FAAH2: variants seen among roughly 807,000 people sequenced by gnomAD.
The protein encoded by FAAH2 is fatty acid amide hydrolase 2.
FAAH2 carries 60 observed loss-of-function variants against 36.9 expected under a neutral mutation model. That is an observed-to-expected ratio of 1.63 (90% CI 1.32 to 2.02). The LOEUF (loss-of-function observed/expected upper bound fraction) is 2.02. Ranked by LOEUF, FAAH2 falls within the 30% of genes most tolerant of loss-of-function variation. The pLI is 0.00. For missense variants in FAAH2, 689 were observed against 397.5 expected (o/e 1.73, Z -6.23); for synonymous variants, 214 against 143.8 (o/e 1.49, Z -3.49).
intron 7 of FAAH2, among the ~76,000 whole-genome samples, chrX:57,382,855 C>T (rs1351857224): frequency 2.7e-5 from 3 of 111,447 alleles, no homozygotes; most frequent in South Asian, 3.8e-4. Flanking sequence ...ATACCAAAGC[C>T]TGGCAGAGAC....
rs771083505 is a variant in FAAH2, at chrX:57,378,642, T to A, written c.743-9T>A. 8.3e-7 allele frequency: 1 copy of A among 1,210,645 alleles called. No individual in the cohort carries two copies. The highest frequency in any genetic ancestry group is 1.8e-5 in the South Asian group (1 of 56,913). On this transcript the variant is annotated splice_polypyrimidine_tract_variant and intron_variant, in intron 5 of 10. Coordinates refer to ENST00000374900, the MANE Select transcript of FAAH2 (RefSeq NM_174912.4). Reference sequence around the variant, plus strand: ...TTTGGGCGGCTAACCTGACTGTCTATCCTTTCAGGTGTGGTTCCCAACAAA... The same window carrying A: ...TTTGGGCGGCTAACCTGACTGTCTAACCTTTCAGGTGTGGTTCCCAACAAA...
chrX:57,439,855 G>A lies in FAAH2; in HGVS notation c.1117-7073G>A, dbSNP rs181949931. Among the ~76,000 whole-genome samples the A allele has an allele frequency of 3.9e-3, 442 of 111,899 alleles. 2 individuals carry two copies. Among genetic ancestry groups the A allele is most frequent in the African/African-American group, 0.014 (425 of 30,802 alleles). ...TTTTCCCAGCACCATTTATTAAATA[G>A]GGAATCCTTTCCCCATTTCTTGTTT... On this transcript the variant is annotated intron_variant, in intron 8 of 10. Coordinates refer to ENST00000374900, the MANE Select transcript of FAAH2 (RefSeq NM_174912.4).
At chrX:57,195,503 A>G in the FAAH2 span, among the ~76,000 whole-genome samples, 6 of 111,580 alleles carry the variant, frequency 5.4e-5, no homozygotes, top group African/African-American at 1.6e-4. Flanking sequence ...GATTCTAGGT[A>G]TTAGTCCTTT....
chrX:57,225,185 G>C, the FAAH2 span, among the ~76,000 whole-genome samples: 1 of 110,471 alleles, frequency 9.1e-6, no homozygotes, highest in Non-Finnish European at 1.9e-5. Flanking sequence ...TGCTGGGTTT[G>C]GGTTTGGTTT....
At chrX:57,317,469 T>A (rs974031549) in intron 3 of FAAH2, among the ~76,000 whole-genome samples, 2 of 112,014 alleles carry the variant, frequency 1.8e-5, no homozygotes, top group African/African-American at 3.2e-5. Context: ...GAGTTAACTA[T>A]CCTAAATATA....
At chrX:57,209,426 C>T in the FAAH2 span, among the ~76,000 whole-genome samples, 6 of 111,577 alleles carry the variant, frequency 5.4e-5, no homozygotes, top group African/African-American at 2.0e-4. Flanking sequence ...TCCTTCCCTT[C>T]GTGGGTGTCA....
At chrX:57,191,987 TG>T in the FAAH2 span, among the ~76,000 whole-genome samples, 2 of 111,753 alleles carry the variant, frequency 1.8e-5, no homozygotes, top group African/African-American at 6.5e-5. Context: ...ATTCTAGGAT[TG>T]TTTTTTCTAT....
chrX:57,364,271 G>C (rs996105766), intron 5 of FAAH2, among the ~76,000 whole-genome samples: 5 of 108,768 alleles, frequency 4.6e-5, no homozygotes, highest in Admixed American at 2.0e-4. Flanking sequence ...TTTCTTTCTG[G>C]TTCAATCTTG....
At chrX:57,260,892 C>A in the FAAH2 span, among the ~76,000 whole-genome samples, 2 of 111,323 alleles carry the variant, frequency 1.8e-5, no homozygotes, top group African/African-American at 6.5e-5. Context: ...AAAATGACAA[C>A]CACAAGTGTT....
At chrX:57,458,582 A>G (rs2056902415) in intron 10 of FAAH2, among the ~76,000 whole-genome samples, 2 of 112,308 alleles carry the variant, frequency 1.8e-5, no homozygotes, top group African/African-American at 6.5e-5. Context: ...TGCAGTTCCC[A>G]GTGAGATCAA....
At chrX:57,453,887 G>A (rs922780765) in intron 10 of FAAH2, among the ~76,000 whole-genome samples, 3 of 112,112 alleles carry the variant, frequency 2.7e-5, no homozygotes, top group African/African-American at 6.5e-5. Context: ...CAGAGGATTG[G>A]GGTGTGCCTT....
chrX:57,223,677 C>T, the FAAH2 span, among the ~76,000 whole-genome samples: 10 of 111,840 alleles, frequency 8.9e-5, no homozygotes, highest in Non-Finnish European at 1.3e-4. Context: ...GGCCAATAAA[C>T]GGCTCCACTA....
chrX:57,317,058 C>G (rs1284152669), intron 3 of FAAH2, among the ~76,000 whole-genome samples: 2 of 111,371 alleles, frequency 1.8e-5, no homozygotes, highest in African/African-American at 6.5e-5. Flanking sequence ...AACAAATAAC[C>G]CATTAAAAAG....
the FAAH2 span, chrX:57,122,100 C>T: frequency 9.0e-6 from 1 of 111,146 alleles, no homozygotes; most frequent in South Asian, 3.7e-4. Context: ...ACAACGTGAA[C>T]ACTATCTACA....
At chrX:57,436,883 A>G (rs1449380194) in intron 8 of FAAH2, among the ~76,000 whole-genome samples, 1 of 111,298 alleles carries the variant, frequency 9.0e-6, no homozygotes, top group East Asian at 2.8e-4. Context: ...TCATTCCATG[A>G]CACCACTATC....
chrX:57,393,494 G>A (rs2055217136), intron 7 of FAAH2: 4 of 964,578 alleles, frequency 4.1e-6, no homozygotes, highest in Admixed American at 4.4e-5. Flanking sequence ...GATCCGGTCT[G>A]CAATGATAGA....
chrX:57,137,023 A>T, the FAAH2 span: 1 of 821,894 alleles, frequency 1.2e-6, no homozygotes, highest in Non-Finnish European at 1.5e-6. Flanking sequence ...CCTGTTACCT[A>T]CCTCCCTTGC....
At chrX:57,190,826 G>A in the FAAH2 span, among the ~76,000 whole-genome samples, 2 of 110,185 alleles carry the variant, frequency 1.8e-5, no homozygotes, top group African/African-American at 3.3e-5. Flanking sequence ...CTGCAGACCC[G>A]AGCTGTTAAT....
chrX:57,230,612 G>A, the FAAH2 span, among the ~76,000 whole-genome samples: 3 of 110,660 alleles, frequency 2.7e-5, no homozygotes, highest in Admixed American at 9.6e-5. Context: ...CTTCTTATCA[G>A]CATTTAGTTC....
Sources: gnomAD v4.1 joint callset for allele counts (sites outside exome capture counted in the v4.1 genomes callset) on GRCh38, gnomAD v4.1.1 for gene constraint, MANE v1.5 for transcripts, NCBI Gene and HGNC (gene_info 2026-07-23, HGNC 2026-07-21) for gene names.